Variants in B4GALNT3 observed in about 807,000 individuals in gnomAD.
B4GALNT3 encodes beta-1,4-N-acetyl-galactosaminyltransferase 3, also known as beta-1,4-N-acetylgalactosaminyltransferase 3.
Under a neutral mutation model 120.2 loss-of-function variants are expected in B4GALNT3, and 86 were observed. The observed-to-expected ratio is 0.72, with a 90% CI of 0.60 to 0.86. B4GALNT3 has a LOEUF of 0.86. Among genes scored for constraint, B4GALNT3 ranks in the 40% least tolerant of loss-of-function variants. The probability of loss-of-function intolerance (pLI) is 0.00; values close to 1 mark genes in which losing one functional copy is unlikely to be tolerated. For synonymous variants in B4GALNT3, 518 were observed against 510.4 expected (o/e 1.01, Z -0.20); for missense variants, 1,167 against 1,298.9 (o/e 0.90, Z 1.56).
chr12:511,897 A>ACCTT (rs1946574540), intron 1 of B4GALNT3, among the ~76,000 whole-genome samples: 1 of 67,616 alleles, frequency 1.5e-5, no homozygotes, highest in South Asian at 6.1e-4. Context: ...TCCACCTTCC[A>ACCTT]CCTTCCGCCT....
chr12:505,183 C>G (rs148904858), intron 1 of B4GALNT3, among the ~76,000 whole-genome samples: 1 of 152,210 alleles, frequency 6.6e-6, no homozygotes. Context: ...TGAACCACCA[C>G]GCCTGGCCTC....
chr12:535,353 C>A, intron 2 of B4GALNT3, 84 bp downstream of exon 2: 1 of 1,126,234 alleles, frequency 8.9e-7, no homozygotes, highest in Non-Finnish European at 1.3e-6. Context: ...TAAGGGTAAC[C>A]TCTGCTACTC....
At chr12:513,147 G>A (rs1024017788) in intron 1 of B4GALNT3, among the ~76,000 whole-genome samples, 5 of 75,054 alleles carry the variant, frequency 6.7e-5, no homozygotes, top group Non-Finnish European at 1.1e-4. Flanking sequence ...TTCCACCTTC[G>A]ACCTTCCACC....
In B4GALNT3 at chr12:531,804, G is replaced by A. The variant is rs186475010; in HGVS notation, c.170-3362G>A. ...CATTTATTGGGTACTAAGACCCCAC[G>A]CTAGGTCTGGCCCACATAATTTAAT... On this transcript the variant is annotated intron_variant, in intron 1 of 19. Transcript: ENST00000266383. Among the ~76,000 whole-genome samples, 545 of 152,212 alleles carry A rather than the reference G, an allele frequency of 3.6e-3. 2 individuals carry two copies. Among genetic ancestry groups the A allele is most frequent in the Non-Finnish European group, 6.3e-3 (427 of 68,020 alleles).
chr12:477,557 C>G (rs1946196572), intron 1 of B4GALNT3, among the ~76,000 whole-genome samples: 1 of 152,202 alleles, frequency 6.6e-6, no homozygotes, highest in Admixed American at 6.5e-5. Context: ...TTGTTGCACA[C>G]TCCCGTCCTG....
At position 548,033 on chromosome 12, in the gene B4GALNT3, C is replaced by G. The variant is rs2120708265; in HGVS notation, c.717C>G (p.Ala239=). 1 of 1,613,946 alleles carries G rather than the reference C, an allele frequency of 6.2e-7. No homozygotes were observed. The highest frequency in any genetic ancestry group is 8.5e-7 in the Non-Finnish European group (1 of 1,180,012). The change falls in exon 8 of 20, where the codon GCC becomes GCG. Residue 239 remains alanine (A), a synonymous_variant. Coordinates refer to ENST00000266383, the MANE Select transcript of B4GALNT3 (RefSeq NM_173593.4). The surrounding 1 kb of genome is among the most constrained non-coding windows in gnomAD (Gnocchi z 4.9). ...SQISKPVSLS[A]SHRYYFEVLH... is the part of the protein sequence containing the mutation. ...CCCTCTCTCCCGCCAGCCTGTCAGC[C>G]TCCCACAGGTACTACTTCGAGGTGC...
chr12:548,390 G>A lies in B4GALNT3; in HGVS notation c.853+93G>A, dbSNP rs1377245549. On this transcript the variant is annotated intron_variant, in intron 9 of 19. Transcript: ENST00000266383. The surrounding 1 kb of genome is among the most constrained non-coding windows in gnomAD (Gnocchi z 4.9). ...GCAGGGGAGGAGGGGAGGAGGGGAGGAAGGAAGCTCGAGATGCTTGGGACA... is the reference window on the plus strand; with the variant it reads ...GCAGGGGAGGAGGGGAGGAGGGGAGAAAGGAAGCTCGAGATGCTTGGGACA... The A allele has an allele frequency of 2.4e-6, 3 of 1,248,748 alleles. No individual in the cohort carries two copies. The highest frequency in any genetic ancestry group is 2.3e-6 in the Non-Finnish European group (2 of 859,478). 77.4% of individuals were successfully genotyped at this position (1,248,748 alleles called of 1,614,324 possible).
rs1946722742 is a variant in B4GALNT3 at position 522,799 on chromosome 12, A to G, written c.170-12367A>G. ...AAAAGAAAAAAAAAATTAGCCAGGC[A>G]TGGTGGCACACGCCTGTGGTCCCAG... On this transcript the variant is annotated intron_variant, in intron 1 of 19. Transcript: ENST00000266383. 3.3e-5 allele frequency among the ~76,000 whole-genome samples: 5 copies of G among 151,732 alleles called. No individual in the cohort carries two copies. In the South Asian group the frequency reaches 1.0e-3, roughly 32 times the overall value.
In B4GALNT3 at chr12:460,914, T is replaced by G. The variant is rs148476533; in HGVS notation, c.169+369T>G. ...TTGCGGTTCCCGGGGAGGAGGTCCG[T>G]GGGGTCCACGCGCGAGCTAGGGATT... On this transcript the variant is annotated intron_variant, in intron 1 of 19. Coordinates refer to ENST00000266383, the MANE Select transcript of B4GALNT3 (RefSeq NM_173593.4). This position sits in a 1 kb window ranked among gnomAD's most constrained non-coding sequence, Gnocchi z 8.0. Among the ~76,000 whole-genome samples the G allele has an allele frequency of 0.03, 4,595 of 152,138 alleles. 91 individuals carry two copies. The highest frequency in any genetic ancestry group is 0.064 in the South Asian group (308 of 4,818).
intron 1 of B4GALNT3, among the ~76,000 whole-genome samples, chr12:470,846 C>G (rs1273855682): frequency 6.6e-6 from 1 of 152,096 alleles, no homozygotes; most frequent in Non-Finnish European, 1.5e-5. Flanking sequence ...TCAAGACATT[C>G]TCCTGCCTCA....
intron 1 of B4GALNT3, among the ~76,000 whole-genome samples, chr12:488,623 A>T (rs1565591704): frequency 6.6e-6 from 1 of 152,190 alleles, no homozygotes; most frequent in Admixed American, 6.5e-5. Flanking sequence ...CCTGGGCAAC[A>T]TAGCAAGACC....
At chr12:520,556 C>G (rs1946697916) in intron 1 of B4GALNT3, among the ~76,000 whole-genome samples, 1 of 152,262 alleles carries the variant, frequency 6.6e-6, no homozygotes, top group South Asian at 2.1e-4. Context: ...AAATCCTGCT[C>G]AGTAGTTTAA....
rs540568776 is a variant in B4GALNT3, at chr12:556,063, G to A, written c.2061-484G>A. Among the ~76,000 whole-genome samples, 282 of 152,302 alleles carry A rather than the reference G, an allele frequency of 1.9e-3. 3 individuals are homozygous for A. Among genetic ancestry groups the A allele is most frequent in the South Asian group, 8.9e-3 (43 of 4,824 alleles). On this transcript the variant is annotated intron_variant, in intron 14 of 19. Coordinates refer to ENST00000266383, the MANE Select transcript of B4GALNT3 (RefSeq NM_173593.4). ...CTCCCAAAATGCTGGGATTACAGGT[G>A]TGAGCCACTGCACCTGGCATTGTGT... is the stretch of plus-strand genomic sequence containing the variant.
At chr12:491,287 C>G (rs1312479855) in intron 1 of B4GALNT3, among the ~76,000 whole-genome samples, 1 of 150,646 alleles carries the variant, frequency 6.6e-6, no homozygotes, top group African/African-American at 2.4e-5. Flanking sequence ...TCAATAGATA[C>G]AGAAAAGATA....
intron 1 of B4GALNT3, among the ~76,000 whole-genome samples, chr12:528,434 A>G (rs763604609): frequency 9.2e-5 from 14 of 152,338 alleles, no homozygotes; most frequent in Admixed American, 3.9e-4. Context: ...CACTTAATAT[A>G]CATATAACAG....
At chr12:546,845 C>A in intron 7 of B4GALNT3, 132 bp downstream of exon 7, 1 of 852,206 alleles carries the variant, frequency 1.2e-6, no homozygotes, top group South Asian at 1.6e-5. Context: ...TCCCGGCAAC[C>A]GGGTCTTTGG....
At position 553,938 on chromosome 12, in the gene B4GALNT3, A is replaced by C. The variant is rs1947114088; in HGVS notation, c.2015A>C (p.Glu672Ala). Residue 672 changes from glutamate (E) to alanine (A), a missense_variant, in exon 14 of 20, where the codon GAG becomes GCG. By Grantham distance (107) the Glu-to-Ala change is moderately radical. Coordinates refer to ENST00000266383, the MANE Select transcript of B4GALNT3 (RefSeq NM_173593.4). ...CTGCTTCCAGAGCAGGAAGCTCTGG[A>C]GGTCACGCGAGTCTTCTTGAAGAAG... ...NLLLPEQEAL[E>A]VTRVFLKKLN... 1.2e-6 allele frequency: 2 copies of C among 1,613,818 alleles called. No homozygotes were observed. Among genetic ancestry groups the C allele is most frequent in the South Asian group, 2.2e-5 (2 of 91,076 alleles).
At chr12:503,131 T>G (rs1946460461) in intron 1 of B4GALNT3, among the ~76,000 whole-genome samples, 1 of 152,138 alleles carries the variant, frequency 6.6e-6, no homozygotes, top group Non-Finnish European at 1.5e-5. Flanking sequence ...ATAGGAAGTT[T>G]TGGGTTTGCA....
intron 1 of B4GALNT3, among the ~76,000 whole-genome samples, chr12:465,316 C>G (rs1460723045): frequency 6.6e-6 from 1 of 152,194 alleles, no homozygotes; most frequent in Non-Finnish European, 1.5e-5. Flanking sequence ...ATACTAGGCG[C>G]TCAGATAAGT....
Sources: gnomAD v4.1 joint callset for allele counts (sites outside exome capture counted in the v4.1 genomes callset) on GRCh38, gnomAD v4.1.1 for gene constraint, Gnocchi (gnomAD v3.1) non-coding constraint, MANE v1.5 for transcripts, NCBI Gene and HGNC (gene_info 2026-07-23, HGNC 2026-07-21) for gene names.